KIF3A: variants seen among roughly 807,000 people sequenced by gnomAD.
KIF3A encodes the protein kinesin family member 3A.
In KIF3A, 27 loss-of-function variants were observed where a neutral mutation model predicts 92.6. That is an observed-to-expected ratio of 0.29 (90% CI 0.21 to 0.40). The LOEUF (loss-of-function observed/expected upper bound fraction) is 0.40, where lower values mean the gene tolerates loss of function less well. Among genes scored for constraint, KIF3A ranks in the 10% least tolerant of loss-of-function variants. KIF3A has a pLI of 1.00. For missense variants in KIF3A, 581 were observed against 872.6 expected, an observed-to-expected ratio of 0.67 and a Z score of 4.21; for synonymous variants, 250 against 275.4, an observed-to-expected ratio of 0.91 and a Z score of 0.92.
rs1230989505 is a variant in KIF3A at position 132,722,332 on chromosome 5, A to C, written c.511-1618T>G. Among the ~76,000 whole-genome samples the C allele has an allele frequency of 3.9e-5, 6 of 152,070 alleles. No individual in the cohort carries two copies. The East Asian group carries it at 1.2e-3, about 29-fold the overall frequency. On this transcript the variant is annotated intron_variant, in intron 4 of 18. Transcript: ENST00000403231. ...GAAATGCTACCAAAGAATTTTTATC[A>C]AAAAAAACACAGGAATTCAATATCT... is the stretch of plus-strand genomic sequence containing the variant.
intron 15 of KIF3A, 108 bp downstream of exon 15, chr5:132,701,979 G>A (rs893764504): frequency 5.9e-6 from 7 of 1,180,516 alleles, no homozygotes; most frequent in Non-Finnish European, 8.3e-6. Flanking sequence ...TCAAAAAATT[G>A]TACATTCAAT....
At chr5:132,737,374 G>C in intron 1 of KIF3A, 40 bp downstream of exon 1, 8 of 1,594,980 alleles carry the variant, frequency 5.0e-6, no homozygotes, top group Non-Finnish European at 6.8e-6. Flanking sequence ...CAGGCCGCTA[G>C]GATGAGAAGA....
chr5:132,713,505 TTGA>T (rs888903728), intron 8 of KIF3A, among the ~76,000 whole-genome samples: 112 of 152,346 alleles, frequency 7.4e-4, no homozygotes, highest in African/African-American at 2.6e-3. Flanking sequence ...TTTTTTATTG[TTGA>T]TATGATCAAC....
downstream of KIF3A, among the ~76,000 whole-genome samples, chr5:132,692,079 T>C (rs539114115): frequency 4.6e-5 from 7 of 152,246 alleles, no homozygotes; most frequent in Admixed American, 2.0e-4. Flanking sequence ...CATGGAATAT[T>C]ATGCAGCCAT....
intron 13 of KIF3A, 103 bp from the exon 14 acceptor site, chr5:132,702,771 G>T: frequency 7.7e-7 from 1 of 1,301,822 alleles, no homozygotes; most frequent in Non-Finnish European, 1.1e-6. Flanking sequence ...GATCTTCAAA[G>T]CAATCCATAA....
intron 11 of KIF3A, among the ~76,000 whole-genome samples, chr5:132,704,503 G>C (rs1753144898): frequency 6.6e-6 from 1 of 151,866 alleles, no homozygotes; most frequent in Non-Finnish European, 1.5e-5. Flanking sequence ...TGTAATAGGT[G>C]CTCAAAGAAA....
At chr5:132,724,611 G>A (rs1231901017) in intron 4 of KIF3A, among the ~76,000 whole-genome samples, 1 of 151,488 alleles carries the variant, frequency 6.6e-6, no homozygotes, top group African/African-American at 2.4e-5. Flanking sequence ...CTTGGACACA[G>A]GAAGGAGAAC....
chr5:132,706,143 T>C (rs1753203302), intron 11 of KIF3A, among the ~76,000 whole-genome samples: 2 of 152,106 alleles, frequency 1.3e-5, no homozygotes, highest in East Asian at 1.9e-4. Flanking sequence ...TCATTTTTAT[T>C]ACATAAGCAA....
intron 8 of KIF3A, among the ~76,000 whole-genome samples, chr5:132,711,563 G>A (rs1753424620): frequency 6.6e-6 from 1 of 151,338 alleles, no homozygotes; most frequent in Non-Finnish European, 1.5e-5. Context: ...CTGTACTCCA[G>A]CCTCAACAAC....
chr5:132,734,383 T>C lies in KIF3A; in HGVS notation c.102A>G (p.Lys34=). The part of the protein sequence containing the change: ...LNEREKSMCY[K]QAVSVDEMRG... Reference sequence around the variant, plus strand: ...TCATCTCATCCACACTGACAGCCTGTTTGTAGCACATTGATTTCTCTCTCT... The same window carrying C: ...TCATCTCATCCACACTGACAGCCTGCTTGTAGCACATTGATTTCTCTCTCT... The change falls in exon 2 of 19, where the codon AAA becomes AAG. Residue 34 remains lysine, a synonymous_variant. Coordinates refer to ENST00000403231, the MANE Select transcript of KIF3A (RefSeq NM_001300791.2). 6.2e-7 allele frequency: 1 copy of C among 1,614,176 alleles called. No homozygotes were observed. The highest frequency in any genetic ancestry group is 1.3e-5 in the African/African-American group (1 of 75,062).
intron 2 of KIF3A, 45 bp from the exon 3 acceptor site, chr5:132,726,543 T>C: frequency 6.6e-7 from 1 of 1,516,730 alleles, no homozygotes; most frequent in Non-Finnish European, 9.1e-7. Flanking sequence ...AGTCTAATGC[T>C]ACAGAACAAT....
Position 132,702,496 on chromosome 5 carries a change from C to A in KIF3A, c.1758+62G>T, listed in dbSNP as rs541200387. 9.0e-4 allele frequency: 827 copies of A among 915,658 alleles called. 7 individuals are homozygous for A. The African/African-American group carries it at 0.013, about 14-fold the overall frequency. 56.7% of individuals were successfully genotyped at this position (915,658 alleles called of 1,614,324 possible). On this transcript the variant is annotated intron_variant, in intron 14 of 18. Transcript: ENST00000403231. ...TTATGATTATTTATAAATTCTTAAT[C>A]AAAGAACTCCCTTTTAAAAAATCCA...
chr5:132,715,707 A>G, intron 8 of KIF3A, 50 bp downstream of exon 8: 1 of 1,417,772 alleles, frequency 7.1e-7, no homozygotes. Flanking sequence ...TAGTGGTTCA[A>G]CAATGTATTT....
chr5:132,729,871 A>G (rs1208332554), intron 2 of KIF3A, among the ~76,000 whole-genome samples: 1 of 151,480 alleles, frequency 6.6e-6, no homozygotes, highest in Admixed American at 6.6e-5. Flanking sequence ...AGTAAGTAAG[A>G]AAAAAAAATA....
intron 6 of KIF3A, 100 bp from the exon 7 acceptor site, chr5:132,716,542 G>C: frequency 1.1e-6 from 1 of 946,734 alleles, no homozygotes; most frequent in East Asian, 2.6e-5. Context: ...TAAAAAACCT[G>C]ATATGATGCC....
chr5:132,704,646 C>T (rs1054615782), intron 11 of KIF3A, among the ~76,000 whole-genome samples: 1 of 151,874 alleles, frequency 6.6e-6, no homozygotes, highest in East Asian at 1.9e-4. Flanking sequence ...AACATACATT[C>T]CTTCAGAAAA....
At chr5:132,733,197 C>T (rs940447907) in intron 2 of KIF3A, among the ~76,000 whole-genome samples, 4 of 152,014 alleles carry the variant, frequency 2.6e-5, no homozygotes, top group Non-Finnish European at 2.9e-5. Context: ...AAACAGACAG[C>T]GGTGACAGCT....
intron 17 of KIF3A, chr5:132,699,707 C>A (rs10073911): frequency 0.59 from 202,088 of 340,938 alleles, 68,026 homozygotes; most frequent in Non-Finnish European, 0.73. Context: ...TACAGGCACC[C>A]GCCACCACGC....
intron 14 of KIF3A, 31 bp downstream of exon 14, chr5:132,702,527 G>T: frequency 1.6e-6 from 2 of 1,274,890 alleles, no homozygotes; most frequent in Non-Finnish European, 1.1e-6. Flanking sequence ...ATCCAGAACT[G>T]CATTAGTAGG....
Sources: gnomAD v4.1 joint callset for allele counts (sites outside exome capture counted in the v4.1 genomes callset) on GRCh38, gnomAD v4.1.1 for gene constraint, MANE v1.5 for transcripts, NCBI Gene and HGNC (gene_info 2026-07-23, HGNC 2026-07-21) for gene names.